The following MFSD11 variants were observed in gnomAD, a reference collection of about 807,000 sequenced individuals.
MFSD11 encodes major facilitator superfamily domain containing 11.
In MFSD11, 36 loss-of-function variants were observed where a neutral mutation model predicts 53.5. The ratio of observed to expected loss-of-function variants is 0.67; its 90% CI spans 0.52 to 0.89. The LOEUF (loss-of-function observed/expected upper bound fraction) is 0.89, where lower values mean the gene tolerates loss of function less well. MFSD11 is among the 40% of genes least tolerant of loss of function. The pLI, the probability that MFSD11 is intolerant of heterozygous loss-of-function variation, is 0.00. For synonymous variants in MFSD11, 186 were observed against 184.9 expected, an observed-to-expected ratio of 1.01 and a Z score of -0.05; for missense variants, 530 against 543.9, an observed-to-expected ratio of 0.97 and a Z score of 0.25.
At chr17:76,797,870 C>G in the MFSD11 span, among the ~76,000 whole-genome samples, 1 of 147,334 alleles carries the variant, frequency 6.8e-6, no homozygotes. Context: ...GCTAGAATGG[C>G]TTGCAGAACT....
At chr17:76,797,867 T>A in the MFSD11 span, among the ~76,000 whole-genome samples, 1 of 149,630 alleles carries the variant, frequency 6.7e-6, no homozygotes, top group East Asian at 1.9e-4. Context: ...TTTGCTAGAA[T>A]GGCTTGCAGA....
At chr17:76,757,756 A>T (rs1196451892) in intron 8 of MFSD11, among the ~76,000 whole-genome samples, 2 of 152,204 alleles carry the variant, frequency 1.3e-5, no homozygotes, top group Non-Finnish European at 2.9e-5. Context: ...CATGCCTGTA[A>T]TCCCAGTACT....
At chr17:76,774,362 T>C (rs901859648) in intron 10 of MFSD11, among the ~76,000 whole-genome samples, 1 of 152,238 alleles carries the variant, frequency 6.6e-6, no homozygotes, top group Non-Finnish European at 1.5e-5. Context: ...GTGCTGGGAT[T>C]ACAGGCATGA....
Position 76,738,460 on chromosome 17 carries a change from T to C in MFSD11, c.96+12T>C, listed in dbSNP as rs2077716826. ...GTGGAAATGTGGCGGTGAGTTGGAA[T>C]CTGTCCTCCCTCCTTTGAAGTGCCC... is the stretch of plus-strand genomic sequence containing the variant. On this transcript the variant is annotated intron_variant, in intron 1 of 12. Coordinates refer to ENST00000685175, the MANE Select transcript of MFSD11 (RefSeq NM_001242532.5). 3 of 1,596,780 alleles carry C rather than the reference T, an allele frequency of 1.9e-6. No homozygotes were observed. In the African/African-American group the frequency reaches 4.0e-5, roughly 21 times the overall value.
intron 8 of MFSD11, among the ~76,000 whole-genome samples, chr17:76,759,749 G>A (rs1316232719): frequency 2.6e-5 from 3 of 117,204 alleles, no homozygotes; most frequent in South Asian, 3.1e-4. Context: ...GAGCCACCGT[G>A]ACCGGCCTTT....
the MFSD11 span, among the ~76,000 whole-genome samples, chr17:76,787,914 A>G: frequency 6.7e-6 from 1 of 149,898 alleles, no homozygotes; most frequent in African/African-American, 2.4e-5. Flanking sequence ...CCAAATTCCA[A>G]CCTAACTCTG....
the MFSD11 span, among the ~76,000 whole-genome samples, chr17:76,789,188 C>A: frequency 6.7e-6 from 1 of 149,812 alleles, no homozygotes; most frequent in East Asian, 1.9e-4. Flanking sequence ...TGAAAGGAAG[C>A]AAAGTACACT....
chr17:76,755,743 T>C (rs2079503913), intron 8 of MFSD11, among the ~76,000 whole-genome samples: 1 of 136,352 alleles, frequency 7.3e-6, no homozygotes, highest in South Asian at 2.8e-4. Flanking sequence ...TATATATGTA[T>C]ATATATGTGT....
intron 8 of MFSD11, among the ~76,000 whole-genome samples, chr17:76,758,929 T>C (rs1214177745): frequency 6.6e-6 from 1 of 152,082 alleles, no homozygotes; most frequent in African/African-American, 2.4e-5. Flanking sequence ...GAAGCCTTAC[T>C]GATAACATAA....
Position 76,778,447 on chromosome 17 carries a change from G to A in MFSD11, c.*95G>A, listed in dbSNP as rs1330812512. The A allele has an allele frequency of 1.6e-6, 2 of 1,237,858 alleles. No homozygotes were observed. Among genetic ancestry groups the A allele is most frequent in the Admixed American group, 2.1e-5 (1 of 48,706 alleles). The allele number at this position is 1,237,858 out of a possible 1,614,324, so 76.7% of individuals were successfully genotyped here. A position where few individuals can be genotyped will look rare whatever the true frequency, so the allele number is the denominator to read the frequency against. On this transcript the variant is annotated 3_prime_UTR_variant, in exon 13 of 13. Coordinates refer to ENST00000685175, the MANE Select transcript of MFSD11 (RefSeq NM_001242532.5). Reference sequence around the variant, plus strand: ...CGCCTTTGATCTTCACTATATATTGGGTGATGTTCAGTATGGAAAATCAAG... The same window carrying A: ...CGCCTTTGATCTTCACTATATATTGAGTGATGTTCAGTATGGAAAATCAAG...
At chr17:76,759,210 C>T (rs934168659) in intron 8 of MFSD11, among the ~76,000 whole-genome samples, 3 of 152,094 alleles carry the variant, frequency 2.0e-5, no homozygotes, top group Non-Finnish European at 4.4e-5. Context: ...ATTATGATCA[C>T]ACCACTGCAT....
intron 5 of MFSD11, among the ~76,000 whole-genome samples, chr17:76,743,097 G>A (rs889935971): frequency 6.6e-6 from 1 of 152,094 alleles, no homozygotes; most frequent in African/African-American, 2.4e-5. Flanking sequence ...TATTTCCAGG[G>A]AGTCATTTCC....
chr17:76,783,082 C>T (rs1445107137), downstream of MFSD11, among the ~76,000 whole-genome samples: 4 of 148,594 alleles, frequency 2.7e-5, no homozygotes, highest in African/African-American at 1.0e-4. Context: ...GAAGTTGAGG[C>T]AGGAGAATTG....
At chr17:76,785,327 G>A (rs982410691), downstream of MFSD11, among the ~76,000 whole-genome samples, 1 of 151,986 alleles carries the variant, frequency 6.6e-6, no homozygotes, top group Non-Finnish European at 1.5e-5. Context: ...TGGGAAGGTA[G>A]TGTTTATTGT....
At chr17:76,768,128 C>A (rs1334046898) in intron 9 of MFSD11, among the ~76,000 whole-genome samples, 3 of 151,940 alleles carry the variant, frequency 2.0e-5, no homozygotes, top group Admixed American at 2.0e-4. Context: ...CATGGCAAAA[C>A]CCCATCTCTA....
intron 2 of MFSD11, among the ~76,000 whole-genome samples, chr17:76,740,585 C>A (rs1417807030): frequency 6.6e-6 from 1 of 151,448 alleles, no homozygotes; most frequent in African/African-American, 2.5e-5. Flanking sequence ...TTACTTAATC[C>A]CACTGTATTT....
At chr17:76,761,537 A>G (rs2080232685) in intron 8 of MFSD11, among the ~76,000 whole-genome samples, 1 of 152,250 alleles carries the variant, frequency 6.6e-6, no homozygotes, top group African/African-American at 2.4e-5. Flanking sequence ...TGGAGAATAT[A>G]TAGTAGAATT....
chr17:76,775,613 G>T (rs566055987), intron 11 of MFSD11, among the ~76,000 whole-genome samples: 2 of 152,218 alleles, frequency 1.3e-5, no homozygotes, highest in South Asian at 4.2e-4. Flanking sequence ...CATTATAAAC[G>T]CAGACATTTA....
At chr17:76,765,269 T>G (rs558460157) in intron 8 of MFSD11, among the ~76,000 whole-genome samples, 5 of 152,234 alleles carry the variant, frequency 3.3e-5, no homozygotes, top group South Asian at 2.1e-4. Flanking sequence ...TCTGTTTTTT[T>G]GTCACTCTTG....
Sources: gnomAD v4.1 joint callset for allele counts (sites outside exome capture counted in the v4.1 genomes callset) on GRCh38, gnomAD v4.1.1 for gene constraint, MANE v1.5 for transcripts, NCBI Gene and HGNC (gene_info 2026-07-23, HGNC 2026-07-21) for gene names.